The following EBF1 variants were observed in gnomAD, a reference collection of about 807,000 sequenced individuals.
EBF1 encodes transcription factor COE1.
In EBF1, 10 loss-of-function variants were observed where a neutral mutation model predicts 68.4. That is an observed-to-expected ratio of 0.15 (90% CI 0.09 to 0.25). The LOEUF is 0.25. Ranked by LOEUF, EBF1 falls within the 10% of genes least tolerant of loss-of-function variation. EBF1 has a pLI of 1.00. For missense variants in EBF1, 509 were observed against 794.4 expected (o/e 0.64, Z 4.32); for synonymous variants, 298 against 299.8 (o/e 0.99, Z 0.06).
At chr5:158,903,363 A>G (rs764926307) in intron 6 of EBF1, among the ~76,000 whole-genome samples, 15 of 152,112 alleles carry the variant, frequency 9.9e-5, no homozygotes, top group Non-Finnish European at 1.8e-4. Flanking sequence ...TGGGTCAGGA[A>G]CGTGCCCTTA....
intron 6 of EBF1, among the ~76,000 whole-genome samples, chr5:158,918,683 C>T (rs1807739472): frequency 6.6e-6 from 1 of 152,208 alleles, no homozygotes; most frequent in Non-Finnish European, 1.5e-5. Flanking sequence ...TCTCTCTCCA[C>T]TCCCCACACT....
At chr5:158,883,936 A>T (rs903068450) in intron 6 of EBF1, among the ~76,000 whole-genome samples, 1 of 152,206 alleles carries the variant, frequency 6.6e-6, no homozygotes, top group African/African-American at 2.4e-5. Flanking sequence ...CACAGCAAAA[A>T]GTTAGGAAGC....
At chr5:158,729,968 C>A (rs1309165161) in intron 11 of EBF1, among the ~76,000 whole-genome samples, 1 of 152,176 alleles carries the variant, frequency 6.6e-6, no homozygotes, top group Admixed American at 6.5e-5. Context: ...CAAGGGCAGC[C>A]AGCACACGGG....
At chr5:158,810,931 G>T (rs575873167) in intron 8 of EBF1, among the ~76,000 whole-genome samples, 1 of 152,088 alleles carries the variant, frequency 6.6e-6, no homozygotes, top group Non-Finnish European at 1.5e-5. Context: ...TCTCCCAGCC[G>T]ACTTGCCCAC....
intron 6 of EBF1, among the ~76,000 whole-genome samples, chr5:159,035,511 C>G (rs186186458): frequency 2.6e-4 from 40 of 152,244 alleles, no homozygotes; most frequent in Middle Eastern, 3.4e-3. Context: ...GGAGGCAGTA[C>G]AGAGTGATGG....
At chr5:159,053,028 G>A (rs968472459) in intron 6 of EBF1, among the ~76,000 whole-genome samples, 5 of 152,314 alleles carry the variant, frequency 3.3e-5, no homozygotes, top group East Asian at 1.9e-4. Context: ...TAGCGATTAC[G>A]CCAGCAAAGG....
At chr5:158,937,545 T>C (rs1474768356) in intron 6 of EBF1, among the ~76,000 whole-genome samples, 1 of 152,166 alleles carries the variant, frequency 6.6e-6, no homozygotes, top group Non-Finnish European at 1.5e-5. Context: ...AGGGAAAGAA[T>C]TGCTCAGGGT....
chr5:158,708,037 G>C lies in EBF1; in HGVS notation c.1686C>G (p.Val562=). The change falls in exon 15 of 16, where the codon GTC becomes GTG. Residue 562 remains valine (V), a synonymous_variant. Coordinates refer to ENST00000313708, the MANE Select transcript of EBF1 (RefSeq NM_024007.5). ...VKQKSAFAPV[V]RPQTSPPPTC... ...TGGGAGGTGGGGAGGTCTGGGGTCTGACGACTGGTGCGAAAGCACTCTTCT... is the reference window on the plus strand; with the variant it reads ...TGGGAGGTGGGGAGGTCTGGGGTCTCACGACTGGTGCGAAAGCACTCTTCT... 6.4e-7 allele frequency: 1 copy of C among 1,553,260 alleles called. No homozygotes were observed. The highest frequency in any genetic ancestry group is 8.7e-7 in the Non-Finnish European group (1 of 1,148,292).
At position 158,878,729 on chromosome 5, in the gene EBF1, C is replaced by T. The variant is rs138035853; in HGVS notation, c.555-38619G>A. Among the ~76,000 whole-genome samples the T allele has an allele frequency of 1.3e-3, 203 of 151,840 alleles. 1 individual carries two copies. Among genetic ancestry groups the T allele is most frequent in the African/African-American group, 4.3e-3 (177 of 41,380 alleles). On this transcript the variant is annotated intron_variant, in intron 6 of 15. Transcript: ENST00000313708. ...AATGATCTCAGCTCACTGCAACCTCCGCCTCCCGGGTTCAAGTGAGTCTCT... is the reference window on the plus strand; with the variant it reads ...AATGATCTCAGCTCACTGCAACCTCTGCCTCCCGGGTTCAAGTGAGTCTCT...
At chr5:158,873,634 T>C (rs1018904648) in intron 6 of EBF1, among the ~76,000 whole-genome samples, 12 of 152,132 alleles carry the variant, frequency 7.9e-5, no homozygotes, top group Non-Finnish European at 1.3e-4. Context: ...TTTTAAAAAT[T>C]TACTAAATTT....
intron 10 of EBF1, among the ~76,000 whole-genome samples, chr5:158,737,272 T>C (rs1387600045): frequency 1.1e-5 from 1 of 94,420 alleles, no homozygotes; most frequent in Non-Finnish European, 2.2e-5. Flanking sequence ...CCTGATTTTT[T>C]TTTTTTTTTT....
At chr5:158,875,663 T>G (rs765538770) in intron 6 of EBF1, among the ~76,000 whole-genome samples, 11 of 152,188 alleles carry the variant, frequency 7.2e-5, no homozygotes, top group Non-Finnish European at 1.6e-4. Context: ...TGTGCACAGC[T>G]GAAAAAAATG....
intron 6 of EBF1, among the ~76,000 whole-genome samples, chr5:158,951,645 A>G (rs749100661): frequency 5.3e-5 from 8 of 152,180 alleles, no homozygotes; most frequent in Non-Finnish European, 1.2e-4. Context: ...ATTCTCAACC[A>G]CAAGGACAAG....
chr5:158,992,606 A>G (rs559816225), intron 6 of EBF1, among the ~76,000 whole-genome samples: 2 of 152,176 alleles, frequency 1.3e-5, no homozygotes, highest in African/African-American at 2.4e-5. Context: ...CTTACATACC[A>G]TTTCTGGATC....
intron 8 of EBF1, among the ~76,000 whole-genome samples, chr5:158,799,882 G>A (rs1289887579): frequency 4.6e-5 from 7 of 152,218 alleles, no homozygotes; most frequent in African/African-American, 1.4e-4. Context: ...TGTTGGAAAC[G>A]AATTCAGTAT....
chr5:158,991,534 G>A (rs1371466367), intron 6 of EBF1, among the ~76,000 whole-genome samples: 1 of 152,132 alleles, frequency 6.6e-6, no homozygotes, highest in Non-Finnish European at 1.5e-5. Flanking sequence ...AAAAGAAGAA[G>A]CGCGCACACA....
chr5:159,016,661 G>A (rs1389922462), intron 6 of EBF1, among the ~76,000 whole-genome samples: 1 of 152,202 alleles, frequency 6.6e-6, no homozygotes, highest in Admixed American at 6.5e-5. Context: ...TGCAATGCCA[G>A]GTGTCAGGGT....
At chr5:158,807,556 C>T (rs1781818824) in intron 8 of EBF1, among the ~76,000 whole-genome samples, 1 of 152,132 alleles carries the variant, frequency 6.6e-6, no homozygotes, top group Non-Finnish European at 1.5e-5. Flanking sequence ...TGGCTGAAGG[C>T]TGGATTCAGT....
chr5:159,068,143 T>C (rs575495747), intron 6 of EBF1, among the ~76,000 whole-genome samples: 4 of 152,246 alleles, frequency 2.6e-5, no homozygotes, highest in South Asian at 2.1e-4. Flanking sequence ...TGAAATGAAA[T>C]CATGAAACTA....
Sources: gnomAD v4.1 joint callset for allele counts (sites outside exome capture counted in the v4.1 genomes callset) on GRCh38, gnomAD v4.1.1 for gene constraint, MANE v1.5 for transcripts, NCBI Gene and HGNC (gene_info 2026-07-23, HGNC 2026-07-21) for gene names.